Variants in PTPRQ observed in about 807,000 individuals in gnomAD.
PTPRQ encodes the protein protein tyrosine phosphatase receptor type Q.
PTPRQ carries 199 observed loss-of-function variants against 246.0 expected under a neutral mutation model. That is an observed-to-expected ratio of 0.81 (90% CI 0.72 to 0.91). PTPRQ has a LOEUF of 0.91. Ranked by LOEUF, PTPRQ falls within the 40% of genes least tolerant of loss-of-function variation. The pLI is 0.00. For synonymous variants in PTPRQ, 869 were observed against 853.2 expected (o/e 1.02, Z -0.32); for missense variants, 2,624 against 2,528.4 (o/e 1.04, Z -0.81).
intron 3 of PTPRQ, among the ~76,000 whole-genome samples, chr12:80,455,933 C>T (rs960207091): frequency 6.6e-6 from 1 of 152,032 alleles, no homozygotes; most frequent in Admixed American, 6.6e-5. Context: ...AATTTAACAT[C>T]ATCTCATTTG....
chr12:80,473,051 A>ACACACACACGCGCGCG (rs1893699593), intron 8 of PTPRQ, among the ~76,000 whole-genome samples: 3 of 136,050 alleles, frequency 2.2e-5, no homozygotes, highest in African/African-American at 8.8e-5. Context: ...ACACACGCAC[A>ACACACACACGCGCGCG]CACACACACA....
chr12:80,616,529 G>A (rs979995072), intron 30 of PTPRQ, among the ~76,000 whole-genome samples: 2 of 150,796 alleles, frequency 1.3e-5, no homozygotes, highest in African/African-American at 4.9e-5. Flanking sequence ...AATTTTTAAA[G>A]ACAAATTTTA....
chr12:80,575,557 G>C (rs1897257957), intron 25 of PTPRQ, among the ~76,000 whole-genome samples: 1 of 152,126 alleles, frequency 6.6e-6, no homozygotes, highest in Non-Finnish European at 1.5e-5. Flanking sequence ...ACTCCAGCCT[G>C]GGCAACAAAA....
At chr12:80,660,498 T>A (rs1004830746) in intron 39 of PTPRQ, among the ~76,000 whole-genome samples, 2 of 151,992 alleles carry the variant, frequency 1.3e-5, no homozygotes, top group East Asian at 1.9e-4. Context: ...TGCCACCAAC[T>A]GTACAAATGA....
chr12:80,626,481 G>A (rs572681352), intron 33 of PTPRQ, among the ~76,000 whole-genome samples: 1 of 152,256 alleles, frequency 6.6e-6, no homozygotes, highest in South Asian at 2.1e-4. Flanking sequence ...TATGTACCAA[G>A]TCTTTAAGGG....
intron 16 of PTPRQ, among the ~76,000 whole-genome samples, chr12:80,508,296 G>A (rs768388173): frequency 6.6e-6 from 1 of 151,964 alleles, no homozygotes; most frequent in Non-Finnish European, 1.5e-5. Flanking sequence ...TGAAGCTCAC[G>A]GTTAGAACAA....
At chr12:80,489,742 C>G (rs1466541588) in intron 9 of PTPRQ, among the ~76,000 whole-genome samples, 1 of 151,894 alleles carries the variant, frequency 6.6e-6, no homozygotes, top group Non-Finnish European at 1.5e-5. Flanking sequence ...AAAATCATTT[C>G]ATTGGGAGCC....
intron 17 of PTPRQ, among the ~76,000 whole-genome samples, chr12:80,532,158 A>T (rs1014557168): frequency 2.6e-5 from 4 of 152,190 alleles, no homozygotes; most frequent in African/African-American, 9.6e-5. Context: ...AATAATTTTT[A>T]AAATTGATGT....
In PTPRQ at chr12:80,543,253, G is replaced by A. The variant is rs74108895; in HGVS notation, c.3873+372G>A. Among the ~76,000 whole-genome samples the A allele has an allele frequency of 6.7e-3, 1,021 of 152,024 alleles. 10 individuals carry two copies. Among genetic ancestry groups the A allele is most frequent in the African/African-American group, 0.023 (966 of 41,520 alleles). On this transcript the variant is annotated intron_variant, in intron 23 of 44. Transcript: ENST00000644991. Reference sequence around the variant, plus strand: ...GGAATCTTTTTAACCTTTTAGAAAGGTATTCATCTTTATTCTGGACTTCTG... The same window carrying A: ...GGAATCTTTTTAACCTTTTAGAAAGATATTCATCTTTATTCTGGACTTCTG...
At chr12:80,577,795 C>G (rs1004834590) in intron 25 of PTPRQ, among the ~76,000 whole-genome samples, 4 of 152,230 alleles carry the variant, frequency 2.6e-5, no homozygotes, top group South Asian at 2.1e-4. Context: ...ACATTGAATA[C>G]ATTTATAAGA....
intron 25 of PTPRQ, among the ~76,000 whole-genome samples, chr12:80,564,773 C>G (rs899455988): frequency 2.0e-5 from 3 of 152,128 alleles, no homozygotes; most frequent in Non-Finnish European, 1.5e-5. Context: ...GTCCAGAATT[C>G]TTTCTACTAT....
chr12:80,471,423 G>C (rs905922182), intron 7 of PTPRQ, among the ~76,000 whole-genome samples: 7 of 141,130 alleles, frequency 5.0e-5, no homozygotes, highest in Admixed American at 2.2e-4. Context: ...AGCTAAACTA[G>C]AAATATTTTC....
chr12:80,619,563 A>G, intron 31 of PTPRQ, 21 bp downstream of exon 31: 1 of 1,494,304 alleles, frequency 6.7e-7, no homozygotes, highest in Non-Finnish European at 9.0e-7. Context: ...ATGTCAATTT[A>G]TCTTGTTAAA....
chr12:80,513,131 C>G (rs1216413896), intron 17 of PTPRQ, among the ~76,000 whole-genome samples: 1 of 152,084 alleles, frequency 6.6e-6, no homozygotes, highest in Admixed American at 6.6e-5. Flanking sequence ...GACCCCCTGC[C>G]TTATCGCAAG....
Position 80,669,415 on chromosome 12 carries a change from T to C in PTPRQ, c.6404T>C (p.Met2135Thr), listed in dbSNP as rs1900895712. 6.5e-7 allele frequency: 1 copy of C among 1,549,164 alleles called. No individual in the cohort carries two copies. Among genetic ancestry groups the C allele is most frequent in the African/African-American group, 1.4e-5 (1 of 72,626 alleles). The change falls in exon 41 of 45, where the codon ATG becomes ACG. Residue 2135 changes from methionine (M) to threonine (T), a missense_variant. Met to Thr is a moderately conservative substitution (Grantham distance 81). Transcript: ENST00000644991. ...VFGDIVITKL[M>T]EDVQIDWTIR... is the part of the protein sequence containing the mutation. ...GGAGATATAGTGATTACAAAGCTAA[T>C]GGAGGATGTTCAAATAGATTGGACT...
intron 23 of PTPRQ, among the ~76,000 whole-genome samples, chr12:80,544,559 A>G (rs1452406675): frequency 6.6e-6 from 1 of 152,150 alleles, no homozygotes. Flanking sequence ...CTACTGCGTC[A>G]TGTTACTCCT....
chr12:80,460,872 G>T lies in PTPRQ; in HGVS notation c.880G>T (p.Asp294Tyr). ...SAATTEAGYI[D>Y]STIVRTPESV... Reference sequence around the variant, plus strand: ...TGCTACAACTGAAGCAGGTTATATTGATAGTACGATTGTCAGAACACCAGA... The same window carrying T: ...TGCTACAACTGAAGCAGGTTATATTTATAGTACGATTGTCAGAACACCAGA... The change falls in exon 6 of 45, where the codon GAT (aspartate) becomes TAT (tyrosine). Residue 294 changes from aspartate to tyrosine, a missense_variant. Physicochemically the swap from Asp to Tyr is radical, Grantham distance 160. Transcript: ENST00000644991. 1 of 400,666 alleles carries T rather than the reference G, an allele frequency of 2.5e-6. No homozygotes were observed. The highest frequency in any genetic ancestry group is 1.3e-4 in the South Asian group (1 of 7,922). 24.8% of individuals were successfully genotyped at this position (400,666 alleles called of 1,614,324 possible).
At chr12:80,521,131 A>G (rs1895468498) in intron 17 of PTPRQ, among the ~76,000 whole-genome samples, 2 of 151,930 alleles carry the variant, frequency 1.3e-5, no homozygotes, top group South Asian at 2.1e-4. Context: ...GCATTTTTTC[A>G]TGTGTCTTTT....
chr12:80,676,390 C>T (rs1901142342), intron 43 of PTPRQ, among the ~76,000 whole-genome samples: 1 of 152,176 alleles, frequency 6.6e-6, no homozygotes, highest in South Asian at 2.1e-4. Context: ...TGCCTGTAAT[C>T]CCAGCACTTT....
Sources: gnomAD v4.1 joint callset for allele counts (sites outside exome capture counted in the v4.1 genomes callset) on GRCh38, gnomAD v4.1.1 for gene constraint, MANE v1.5 for transcripts, NCBI Gene and HGNC (gene_info 2026-07-23, HGNC 2026-07-21) for gene names.